Variants in LNP1 observed in about 807,000 individuals in gnomAD.
LNP1 encodes leukemia NUP98 fusion partner 1.
In LNP1, 12 loss-of-function variants were observed where a neutral mutation model predicts 14.5. The ratio of observed to expected loss-of-function variants is 0.83; its 90% CI spans 0.53 to 1.34. The LOEUF is 1.34. Among genes scored for constraint, LNP1 ranks in the 40% most tolerant of loss-of-function variants. LNP1 has a pLI of 0.00. For synonymous variants in LNP1, 75 were observed against 71.4 expected (o/e 1.05, Z -0.26); for missense variants, 198 against 210.9 (o/e 0.94, Z 0.38).
rs150723057 is a variant in LNP1 at position 100,426,517 on chromosome 3, A to G, written c.-33-3180A>G. ...GCCCTGTTTACACGGTCAGATTTAGAGTCCAATTGACCCACTCCAAAATAT... is the reference window on the plus strand; with the variant it reads ...GCCCTGTTTACACGGTCAGATTTAGGGTCCAATTGACCCACTCCAAAATAT... On this transcript the variant is annotated intron_variant, in intron 1 of 3. Transcript: ENST00000383693. 2.8e-3 allele frequency among the ~76,000 whole-genome samples: 431 copies of G among 152,362 alleles called. 1 individual carries two copies. Among genetic ancestry groups the G allele is most frequent in the Non-Finnish European group, 4.6e-3 (312 of 68,038 alleles).
intron 1 of LNP1, among the ~76,000 whole-genome samples, chr3:100,410,141 G>A (rs1378065651): frequency 6.6e-6 from 1 of 151,752 alleles, no homozygotes; most frequent in African/African-American, 2.4e-5. Context: ...ATGGGTACAG[G>A]CTGGAAGATT....
Position 100,429,880 on chromosome 3 carries a change from T to C in LNP1, c.151T>C (p.Cys51Arg), listed in dbSNP as rs1287704888. ...CAGTCACAGGAAAACCTCCCTGCCC[T>C]GCCCAGTGAGTGATTGTCATGGAAC... is the stretch of plus-strand genomic sequence containing the variant. ...ATSHRKTSLP[C>R]PLPVLPRIPS... The change falls in exon 2 of 4, where the codon TGC becomes CGC. Residue 51 changes from cysteine to arginine, a missense_variant. Coordinates refer to ENST00000383693, the MANE Select transcript of LNP1 (RefSeq NM_001085451.2). 1 of 1,613,198 alleles carries C rather than the reference T, an allele frequency of 6.2e-7. No individual in the cohort carries two copies. The highest frequency in any genetic ancestry group is 8.5e-7 in the Non-Finnish European group (1 of 1,179,548).
At chr3:100,404,739 T>C (rs1167442208) in intron 1 of LNP1, among the ~76,000 whole-genome samples, 1 of 151,742 alleles carries the variant, frequency 6.6e-6, no homozygotes, top group Non-Finnish European at 1.5e-5. Flanking sequence ...CTGACTTTTG[T>C]CAAAAATATA....
intron 2 of LNP1, among the ~76,000 whole-genome samples, chr3:100,435,398 A>G (rs953616924): frequency 4.6e-5 from 7 of 152,168 alleles, no homozygotes; most frequent in African/African-American, 1.7e-4. Context: ...TGTAAATGGG[A>G]TTGGTGATCA....
chr3:100,420,595 G>A lies in LNP1; in HGVS notation c.-33-9102G>A, dbSNP rs542680989. 8.6e-5 allele frequency among the ~76,000 whole-genome samples: 13 copies of A among 151,996 alleles called. No homozygotes were observed. In the East Asian group the frequency reaches 2.3e-3, roughly 27 times the overall value. ...GCCTCCCAAAGTGCTGGGATTACAG[G>A]TGTGAGCCACCATGCCTGGCCTTTG... is the stretch of plus-strand genomic sequence containing the variant. On this transcript the variant is annotated intron_variant, in intron 1 of 3. Transcript: ENST00000383693.
At chr3:100,433,504 T>C (rs1707262635) in intron 2 of LNP1, among the ~76,000 whole-genome samples, 2 of 152,086 alleles carry the variant, frequency 1.3e-5, no homozygotes, top group Non-Finnish European at 2.9e-5. Context: ...GTCTTTGCTA[T>C]AAATAGTGCT....
At position 100,451,902 on chromosome 3, in the gene LNP1, TC is replaced by T; in HGVS notation, c.342del (p.Phe115LeufsTer29). On this transcript the variant is annotated frameshift_variant, in exon 3 of 4. Coordinates refer to ENST00000383693, the MANE Select transcript of LNP1 (RefSeq NM_001085451.2). LOFTEE classifies it low-confidence loss of function (END_TRUNC). ...TTCCAAAATTGAGAAATTTTCAGAG[TC>T]CTTTGAACGGCAACTGTGCTTTAGA... ...SHSKIEKFSE[S>X]FERQLCFRTK... 6.3e-7 allele frequency: 1 copy of T among 1,587,294 alleles called. No homozygotes were observed. The highest frequency in any genetic ancestry group is 1.4e-5 in the African/African-American group (1 of 72,718).
At chr3:100,423,826 C>T (rs563185672) in intron 1 of LNP1, among the ~76,000 whole-genome samples, 14 of 152,270 alleles carry the variant, frequency 9.2e-5, no homozygotes, top group Middle Eastern at 3.4e-3. Context: ...GGGTAAAAAG[C>T]GCAGCTCCCT....
intron 1 of LNP1, among the ~76,000 whole-genome samples, chr3:100,425,854 G>C (rs192262664): frequency 6.6e-6 from 1 of 152,200 alleles, no homozygotes; most frequent in Non-Finnish European, 1.5e-5. Context: ...TCAGGAAGCA[G>C]CCTAGAAAAT....
chr3:100,416,089 A>G (rs771480548), intron 1 of LNP1, among the ~76,000 whole-genome samples: 2 of 152,240 alleles, frequency 1.3e-5, no homozygotes, highest in African/African-American at 4.8e-5. Flanking sequence ...GGCAGAAGGC[A>G]GATAATGTCT....
chr3:100,431,434 A>T (rs983548356), intron 2 of LNP1, among the ~76,000 whole-genome samples: 1 of 152,224 alleles, frequency 6.6e-6, no homozygotes, highest in East Asian at 1.9e-4. Context: ...TAACCTGTTT[A>T]GATTCTCTGA....
chr3:100,442,903 C>A (rs1707357781), intron 2 of LNP1, among the ~76,000 whole-genome samples: 1 of 152,114 alleles, frequency 6.6e-6, no homozygotes. Context: ...TATGCAGGCT[C>A]ATTTTTAGCA....
chr3:100,411,317 A>G (rs770888338), intron 1 of LNP1, among the ~76,000 whole-genome samples: 4 of 152,228 alleles, frequency 2.6e-5, no homozygotes, highest in Non-Finnish European at 5.9e-5. Flanking sequence ...CTCAGGATGA[A>G]TCACACTTCA....
At chr3:100,445,260 G>T (rs1467870084) in intron 2 of LNP1, among the ~76,000 whole-genome samples, 4 of 152,142 alleles carry the variant, frequency 2.6e-5, no homozygotes, top group Non-Finnish European at 4.4e-5. Flanking sequence ...GACAGGGCGA[G>T]ACTCTCTCTC....
Position 100,401,944 on chromosome 3 carries a change from C to T in LNP1, c.-529C>T, listed in dbSNP as rs1706912975. 1 of 152,228 alleles carries T rather than the reference C, an allele frequency of 6.6e-6. No homozygotes were observed. Among genetic ancestry groups the T allele is most frequent in the Non-Finnish European group, 1.5e-5 (1 of 68,040 alleles). The allele number at this position is 152,228 out of a possible 1,614,324, so 9.4% of individuals were successfully genotyped here. On this transcript the variant is annotated 5_prime_UTR_variant, in exon 1 of 4. Transcript: ENST00000383693. ...GGGTTCCCGCCGGCTTCGAGCCTTT[C>T]TTGGCGTATTTGTATCTTGAGCTGA...
intron 2 of LNP1, among the ~76,000 whole-genome samples, chr3:100,434,423 A>G (rs1348636794): frequency 6.6e-6 from 1 of 151,462 alleles, no homozygotes; most frequent in Admixed American, 6.6e-5. Context: ...CCACTGGTCT[A>G]TGTCTCTGTT....
chr3:100,421,789 C>A (rs921651396), intron 1 of LNP1, among the ~76,000 whole-genome samples: 8 of 152,042 alleles, frequency 5.3e-5, no homozygotes, highest in Admixed American at 4.6e-4. Context: ...AGACCTTATT[C>A]CTGCTAATAA....
chr3:100,429,305 G>A (rs994764889), intron 1 of LNP1, among the ~76,000 whole-genome samples: 1 of 152,080 alleles, frequency 6.6e-6, no homozygotes, highest in African/African-American at 2.4e-5. Context: ...AGCTTGCCTG[G>A]AGCTGACAGG....
chr3:100,455,443 G>T (rs1707501241), intron 3 of LNP1, among the ~76,000 whole-genome samples: 1 of 152,158 alleles, frequency 6.6e-6, no homozygotes, highest in African/African-American at 2.4e-5. Context: ...GATCTCATTT[G>T]CCACTTTCCG....
Sources: gnomAD v4.1 joint callset for allele counts (sites outside exome capture counted in the v4.1 genomes callset) on GRCh38, gnomAD v4.1.1 for gene constraint, MANE v1.5 for transcripts, NCBI Gene and HGNC (gene_info 2026-07-23, HGNC 2026-07-21) for gene names.